HIVEP1: variants seen among roughly 807,000 people sequenced by gnomAD.
HIVEP1 encodes the protein zinc finger protein 40.
Under a neutral mutation model 180.0 loss-of-function variants are expected in HIVEP1, and 36 were observed. The observed-to-expected ratio is 0.20, with a 90% CI of 0.15 to 0.26. The LOEUF (loss-of-function observed/expected upper bound fraction) is 0.26. Ranked by LOEUF, HIVEP1 falls within the 10% of genes least tolerant of loss-of-function variation. The pLI is 1.00. For missense variants in HIVEP1, 3,143 were observed against 3,268.7 expected, an observed-to-expected ratio of 0.96 and a Z score of 0.94; for synonymous variants, 1,239 against 1,239.0, an observed-to-expected ratio of 1.00 and a Z score of 0.00.
chr6:12,162,824 A>G (rs1760491220), intron 8 of HIVEP1, among the ~76,000 whole-genome samples: 1 of 152,224 alleles, frequency 6.6e-6, no homozygotes. Flanking sequence ...TTCACAAATA[A>G]TTCTTTAGTT....
chr6:12,169,744 T>C (rs764168408), downstream of HIVEP1, among the ~76,000 whole-genome samples: 21 of 152,154 alleles, frequency 1.4e-4, no homozygotes, highest in Non-Finnish European at 2.5e-4. Flanking sequence ...ACAAAAATAG[T>C]AGTCATGAAG....
intron 3 of HIVEP1, among the ~76,000 whole-genome samples, chr6:12,097,920 A>G (rs1186297711): frequency 6.6e-6 from 1 of 152,156 alleles, no homozygotes; most frequent in African/African-American, 2.4e-5. Flanking sequence ...GTATTTCCTA[A>G]CAGTGTTACT....
At chr6:12,111,732 C>T (rs1774907207) in intron 3 of HIVEP1, among the ~76,000 whole-genome samples, 1 of 152,248 alleles carries the variant, frequency 6.6e-6, no homozygotes, top group African/African-American at 2.4e-5. Context: ...CTAAGAGATT[C>T]TCCATTGTTA....
intron 3 of HIVEP1, among the ~76,000 whole-genome samples, chr6:12,093,728 T>C (rs10947758): frequency 0.27 from 40,341 of 151,834 alleles, 6,254 homozygotes; most frequent in Non-Finnish European, 0.35. Context: ...TATTCTGTTC[T>C]GTGAATTTGT....
At chr6:12,100,725 A>G (rs1041356783) in intron 3 of HIVEP1, among the ~76,000 whole-genome samples, 1 of 152,208 alleles carries the variant, frequency 6.6e-6, no homozygotes, top group African/African-American at 2.4e-5. Context: ...TGTAAAAATA[A>G]CAGCAGAATA....
chr6:12,153,432 C>T (rs1157692843), intron 7 of HIVEP1, among the ~76,000 whole-genome samples: 1 of 151,962 alleles, frequency 6.6e-6, no homozygotes, highest in Non-Finnish European at 1.5e-5. Flanking sequence ...AAAGTCAACT[C>T]CTTAATTAGT....
the HIVEP1 span, among the ~76,000 whole-genome samples, chr6:12,211,215 C>T: frequency 1.1e-4 from 14 of 124,836 alleles, no homozygotes; most frequent in Admixed American, 2.3e-4. Flanking sequence ...CTGGCTAACA[C>T]GGTGAAACCC....
At chr6:12,166,853 T>G (rs916182712), downstream of HIVEP1, among the ~76,000 whole-genome samples, 1 of 152,220 alleles carries the variant, frequency 6.6e-6, no homozygotes, top group African/African-American at 2.4e-5. Context: ...AGGTGAAAGT[T>G]TTAATGTGTA....
chr6:12,158,522 C>T (rs1045770217), intron 7 of HIVEP1, among the ~76,000 whole-genome samples: 1 of 152,150 alleles, frequency 6.6e-6, no homozygotes, highest in African/African-American at 2.4e-5. Flanking sequence ...ACCTGTAATG[C>T]TAAGCTCCTT....
chr6:12,188,998 C>A, the HIVEP1 span, among the ~76,000 whole-genome samples: 1 of 151,828 alleles, frequency 6.6e-6, no homozygotes, highest in Non-Finnish European at 1.5e-5. Flanking sequence ...ATGGGCACAA[C>A]TACAGAGTAT....
intron 3 of HIVEP1, among the ~76,000 whole-genome samples, chr6:12,101,982 A>T (rs1009232628): frequency 6.6e-6 from 1 of 152,142 alleles, no homozygotes; most frequent in Admixed American, 6.6e-5. Context: ...CTTCAAAATA[A>T]AAAATGTTAC....
Position 12,120,361 on chromosome 6 carries a change from C to T in HIVEP1, c.566C>T (p.Pro189Leu), listed in dbSNP as rs753000419. 1.9e-5 allele frequency: 30 copies of T among 1,614,032 alleles called. No homozygotes were observed. Among genetic ancestry groups the T allele is most frequent in the Non-Finnish European group, 2.3e-5 (27 of 1,180,012 alleles). ...CISSHCGTTS[P>L]SYTNTAFDVL... ...TCTTCTCATTGTGGCACTACGTCCC[C>T]CTCCTATACAAACACTGCATTCGAT... is the stretch of plus-strand genomic sequence containing the variant. The change falls in exon 4 of 9, where the codon CCC becomes CTC. Residue 189 changes from proline (P) to leucine (L), a missense_variant. Physicochemically the swap from Pro to Leu is moderately conservative, Grantham distance 98. Coordinates refer to ENST00000379388, the MANE Select transcript of HIVEP1 (RefSeq NM_002114.4).
intron 2 of HIVEP1, among the ~76,000 whole-genome samples, chr6:12,068,717 A>G (rs1256163290): frequency 2.0e-5 from 3 of 152,224 alleles, no homozygotes; most frequent in African/African-American, 7.2e-5. Context: ...ATATACTTTC[A>G]GGGAATTGAG....
intron 2 of HIVEP1, among the ~76,000 whole-genome samples, chr6:12,042,373 A>ATG (rs1769826630): frequency 7.0e-6 from 1 of 143,598 alleles, no homozygotes. Context: ...GAGCCACCGC[A>ATG]CCCGGCCGCT....
intron 2 of HIVEP1, among the ~76,000 whole-genome samples, chr6:12,019,747 T>C (rs1381994874): frequency 6.6e-6 from 1 of 152,236 alleles, no homozygotes; most frequent in African/African-American, 2.4e-5. Context: ...CCTCTTAGAA[T>C]GTAATCTTTC....
At chr6:12,194,684 C>T in the HIVEP1 span, among the ~76,000 whole-genome samples, 442 of 152,258 alleles carry the variant, frequency 2.9e-3, no homozygotes, top group African/African-American at 9.9e-3. Flanking sequence ...TGCCTGTAAT[C>T]CCAGCTACTT....
rs73724352 is a variant in HIVEP1, at chr6:12,089,356, C to T, written c.94+119C>T. On this transcript the variant is annotated intron_variant, in intron 3 of 8. Coordinates refer to ENST00000379388, the MANE Select transcript of HIVEP1 (RefSeq NM_002114.4). The stretch of plus-strand genomic sequence containing the variant: ...AGACATATCACAAAATTAGAAATCC[C>T]CTTGAACTTATTGATACTTAAAATG... 1,125 of 553,322 alleles carry T rather than the reference C, an allele frequency of 2.0e-3. 8 individuals are homozygous for T. Among genetic ancestry groups the T allele is most frequent in the African/African-American group, 0.02 (1,033 of 51,422 alleles). The allele number at this position is 553,322 out of a possible 1,614,324, so 34.3% of individuals were successfully genotyped here.
chr6:12,141,721 G>T, intron 7 of HIVEP1, among the ~76,000 whole-genome samples: 1 of 38,000 alleles, frequency 2.6e-5, no homozygotes, highest in Admixed American at 3.4e-4. Flanking sequence ...AAAAAAAAAA[G>T]CAGGGGTTGC....
intron 7 of HIVEP1, among the ~76,000 whole-genome samples, chr6:12,154,533 T>A (rs530867047): frequency 1.8e-4 from 27 of 152,316 alleles, no homozygotes; most frequent in African/African-American, 6.3e-4. Context: ...TTACTTACAA[T>A]AGAATTTACT....
Sources: allele counts gnomAD v4.1 joint callset (sites outside exome capture counted in the v4.1 genomes callset), GRCh38; gene constraint gnomAD v4.1.1; transcripts MANE v1.5; gene names NCBI Gene and HGNC (gene_info 2026-07-23, HGNC 2026-07-21).